SLC2A9: variants seen among roughly 807,000 people sequenced by gnomAD.
SLC2A9 encodes solute carrier family 2 member 9.
A neutral mutation model predicts 50.6 loss-of-function variants in SLC2A9; 39 were observed. The observed-to-expected ratio is 0.77, with a 90% confidence interval of 0.60 to 1.01. The LOEUF (loss-of-function observed/expected upper bound fraction) is 1.01. Ranked by LOEUF, SLC2A9 falls within the 50% of genes least tolerant of loss-of-function variation. The pLI is 0.00. For missense variants in SLC2A9, 686 were observed against 677.6 expected, an observed-to-expected ratio of 1.01 and a Z score of -0.14; for synonymous variants, 324 against 276.9, an observed-to-expected ratio of 1.17 and a Z score of -1.69.
At chr4:9,833,756 A>G (rs911221794) in intron 11 of SLC2A9, among the ~76,000 whole-genome samples, 8 of 152,148 alleles carry the variant, frequency 5.3e-5, no homozygotes, top group Non-Finnish European at 7.3e-5. Context: ...ATAGTTGGTG[A>G]GGGGAGGAAG....
At chr4:9,956,275 A>T (rs1463738755) in intron 5 of SLC2A9, among the ~76,000 whole-genome samples, 1 of 151,832 alleles carries the variant, frequency 6.6e-6, no homozygotes, top group African/African-American at 2.4e-5. Context: ...CAAAGTCAGG[A>T]GATCGAGACC....
chr4:10,027,371 C>A (rs1049881998), intron 1 of SLC2A9, among the ~76,000 whole-genome samples: 3 of 152,132 alleles, frequency 2.0e-5, no homozygotes, highest in Non-Finnish European at 4.4e-5. Flanking sequence ...TGTCTTTGAT[C>A]CCGTCGCCTC....
At chr4:9,772,917 C>A (rs1271571385) in intron 1 of SLC2A9, among the ~76,000 whole-genome samples, 1 of 152,064 alleles carries the variant, frequency 6.6e-6, no homozygotes, top group Non-Finnish European at 1.5e-5. Flanking sequence ...TGGTGCGCTG[C>A]ACCCACTAAT....
intron 2 of SLC2A9, among the ~76,000 whole-genome samples, chr4:10,004,747 G>A (rs1399416315): frequency 3.3e-5 from 5 of 152,226 alleles, no homozygotes; most frequent in African/African-American, 1.2e-4. Context: ...CAATTGCACT[G>A]TGACCTGAGG....
chr4:9,890,537 G>A, intron 9 of SLC2A9, 73 bp downstream of exon 9: 1 of 1,384,640 alleles, frequency 7.2e-7, no homozygotes, highest in South Asian at 1.2e-5. Flanking sequence ...ACAAATCAAA[G>A]GCCCCAAAAC....
chr4:9,904,556 A>G lies in SLC2A9; in HGVS notation c.1113+3679T>C, dbSNP rs1339393444. Among the ~76,000 whole-genome samples, 3 of 152,202 alleles carry G rather than the reference A, an allele frequency of 2.0e-5. No individual in the cohort carries two copies. In the East Asian group the frequency reaches 5.8e-4, roughly 29 times the overall value. ...CCTGCAACATTCCTTTGTGCCATGT[A>G]AGGTAATATATTCCCAGCTTCTGGG... On this transcript the variant is annotated intron_variant, in intron 8 of 11. Coordinates refer to ENST00000264784, the MANE Select transcript of SLC2A9 (RefSeq NM_020041.3).
At chr4:9,828,612 G>C (rs1028302068) in intron 11 of SLC2A9, among the ~76,000 whole-genome samples, 3 of 152,102 alleles carry the variant, frequency 2.0e-5, no homozygotes, top group African/African-American at 4.8e-5. Flanking sequence ...CAGAATCTTT[G>C]CACATGCTGT....
At chr4:9,842,353 G>A (rs775685886) in intron 10 of SLC2A9, among the ~76,000 whole-genome samples, 10 of 152,152 alleles carry the variant, frequency 6.6e-5, no homozygotes, top group Non-Finnish European at 1.3e-4. Flanking sequence ...TTCTTACAAA[G>A]GATTTTGCCA....
chr4:9,910,676 T>C (rs1479223227), intron 7 of SLC2A9, among the ~76,000 whole-genome samples: 1 of 152,194 alleles, frequency 6.6e-6, no homozygotes, highest in African/African-American at 2.4e-5. Flanking sequence ...TGAATCCTCT[T>C]ATGATGTGGC....
Position 9,834,953 on chromosome 4 carries a change from A to G in SLC2A9, c.1347T>C (p.Ala449=). The G allele has an allele frequency of 6.2e-7, 1 of 1,614,088 alleles. No homozygotes were observed. Among genetic ancestry groups the G allele is most frequent in the Non-Finnish European group, 8.5e-7 (1 of 1,180,024 alleles). The change falls in exon 11 of 12, where the codon GCT becomes GCC. Residue 449 remains alanine, a synonymous_variant. Coordinates refer to ENST00000264784, the MANE Select transcript of SLC2A9 (RefSeq NM_020041.3). ...TGACGGTGCCTGCAATGATGAAGGC[A>G]GCCGGCCGCTGAGATTGCTGGAAGA... ...GEFFQQSQRP[A]AFIIAGTVNW...
chr4:9,779,233 T>A (rs188691754), downstream of SLC2A9, among the ~76,000 whole-genome samples: 4 of 152,206 alleles, frequency 2.6e-5, no homozygotes, highest in Admixed American at 6.5e-5. Flanking sequence ...CCTACTTAAC[T>A]GTGATTCAAC....
At chr4:10,009,483 G>A (rs1282146178) in intron 2 of SLC2A9, 1 of 152,288 alleles carries the variant, frequency 6.6e-6, no homozygotes, top group African/African-American at 2.4e-5. Context: ...TTTAGGGAAG[G>A]AGCAGACAGG....
intron 2 of SLC2A9, among the ~76,000 whole-genome samples, chr4:10,005,218 C>T (rs531658799): frequency 5.5e-4 from 84 of 152,324 alleles, no homozygotes; most frequent in Middle Eastern, 3.4e-3. Flanking sequence ...GAATCCAAGT[C>T]AAGCAAGCAA....
intron 5 of SLC2A9, among the ~76,000 whole-genome samples, chr4:9,952,802 G>A (rs776854102): frequency 4.3e-4 from 66 of 152,296 alleles, no homozygotes; most frequent in African/African-American, 8.2e-4. Context: ...TGGGATTACC[G>A]GCGTGAGTCA....
At chr4:9,802,391 C>T (rs180917975) in intron 3 of SLC2A9, among the ~76,000 whole-genome samples, 5 of 151,850 alleles carry the variant, frequency 3.3e-5, no homozygotes, top group Non-Finnish European at 5.9e-5. Context: ...CCCTGCAGCG[C>T]CTCCCCAGGA....
intron 5 of SLC2A9, among the ~76,000 whole-genome samples, chr4:9,980,223 T>C (rs1755487444): frequency 6.6e-6 from 1 of 152,112 alleles, no homozygotes. Context: ...CAAAATATAT[T>C]AAATGAAAAC....
chr4:9,994,393 T>A (rs934596050), intron 3 of SLC2A9, among the ~76,000 whole-genome samples: 3 of 152,180 alleles, frequency 2.0e-5, no homozygotes, highest in Non-Finnish European at 1.5e-5. Context: ...TCAGCCCAAA[T>A]CAACTTTTAC....
chr4:9,940,988 G>A (rs1312592697), intron 6 of SLC2A9, among the ~76,000 whole-genome samples: 5 of 152,182 alleles, frequency 3.3e-5, no homozygotes, highest in Non-Finnish European at 5.9e-5. Flanking sequence ...ATGGCCCCAT[G>A]AGGGAAGTTT....
chr4:9,798,355 G>A (rs368920250), downstream of SLC2A9, among the ~76,000 whole-genome samples: 1 of 152,238 alleles, frequency 6.6e-6, no homozygotes, highest in Non-Finnish European at 1.5e-5. Context: ...TTCGCAATCA[G>A]TCTGGAGCAT....
Sources: gnomAD v4.1 joint callset for allele counts (sites outside exome capture counted in the v4.1 genomes callset) on GRCh38, gnomAD v4.1.1 for gene constraint, MANE v1.5 for transcripts, NCBI Gene and HGNC (gene_info 2026-07-23, HGNC 2026-07-21) for gene names.